Variants in SCN8A observed in about 807,000 individuals in gnomAD.
SCN8A encodes sodium voltage-gated channel alpha subunit 8, also known as sodium channel protein type 8 subunit alpha.
Under a neutral mutation model 184.1 loss-of-function variants are expected in SCN8A, and 30 were observed. The observed-to-expected ratio is 0.16, with a 90% CI of 0.12 to 0.22. SCN8A has a LOEUF of 0.22. Among genes scored for constraint, SCN8A ranks in the 10% least tolerant of loss-of-function variants. The pLI, the probability that SCN8A is intolerant of heterozygous loss-of-function variation, is 1.00. For missense variants in SCN8A, 1,057 were observed against 2,498.9 expected (o/e 0.42, Z 12.30); for synonymous variants, 852 against 907.0 (o/e 0.94, Z 1.09).
At chr12:51,760,341 A>G (rs1205321815) in intron 14 of SCN8A, among the ~76,000 whole-genome samples, 1 of 152,228 alleles carries the variant, frequency 6.6e-6, no homozygotes, top group East Asian at 1.9e-4. Flanking sequence ...TGATGGCAAC[A>G]TACCATGTGT....
intron 1 of SCN8A, among the ~76,000 whole-genome samples, chr12:51,635,275 G>T (rs1390214417): frequency 6.6e-6 from 1 of 152,164 alleles, no homozygotes; most frequent in Admixed American, 6.5e-5. Context: ...TGCCCCTAAT[G>T]CTGGGTTATG....
chr12:51,597,646 G>T (rs916086643), intron 1 of SCN8A, among the ~76,000 whole-genome samples: 1 of 152,014 alleles, frequency 6.6e-6, no homozygotes, highest in Non-Finnish European at 1.5e-5. Flanking sequence ...CTTTGTCAAT[G>T]AAAAAACACC....
At chr12:51,629,582 C>CAAAAAAA (rs71092711) in intron 1 of SCN8A, among the ~76,000 whole-genome samples, 1 of 129,558 alleles carries the variant, frequency 7.7e-6, no homozygotes, top group Non-Finnish European at 1.6e-5. Flanking sequence ...ATCAGTTTTG[C>CAAAAAAA]AAAAAAAAAA....
At chr12:51,717,780 G>C (rs959346053) in intron 11 of SCN8A, among the ~76,000 whole-genome samples, 1 of 152,208 alleles carries the variant, frequency 6.6e-6, no homozygotes, top group African/African-American at 2.4e-5. Flanking sequence ...GTACAAGGAT[G>C]AGGCAGAAGA....
At chr12:51,682,585 G>A (rs557957507) in intron 2 of SCN8A, among the ~76,000 whole-genome samples, 1 of 152,092 alleles carries the variant, frequency 6.6e-6, no homozygotes, top group Non-Finnish European at 1.5e-5. Context: ...AACTGGCATC[G>A]AAGGTTATCA....
intron 23 of SCN8A, 65 bp downstream of exon 23, chr12:51,788,813 C>T: frequency 7.2e-7 from 1 of 1,386,946 alleles, no homozygotes; most frequent in Non-Finnish European, 1.0e-6. Context: ...GCATGGTATA[C>T]CGAGCCCACC....
chr12:51,593,031 C>T (rs1939265130), intron 1 of SCN8A, among the ~76,000 whole-genome samples: 1 of 152,076 alleles, frequency 6.6e-6, no homozygotes, highest in African/African-American at 2.4e-5. Context: ...TGGTAGGAAT[C>T]TTGGGGGAAT....
At chr12:51,728,715 G>A (rs1221276832) in intron 12 of SCN8A, among the ~76,000 whole-genome samples, 1 of 140,050 alleles carries the variant, frequency 7.1e-6, no homozygotes, top group African/African-American at 2.7e-5. Flanking sequence ...GGGCAACAGA[G>A]GAAGACCCTG....
intron 1 of SCN8A, among the ~76,000 whole-genome samples, chr12:51,637,581 C>A (rs951558902): frequency 6.6e-6 from 1 of 152,182 alleles, no homozygotes. Flanking sequence ...CTTAAGCCAA[C>A]GCCCAATCCA....
chr12:51,681,468 AAC>A (rs1941331717), intron 2 of SCN8A, among the ~76,000 whole-genome samples: 2 of 152,348 alleles, frequency 1.3e-5, no homozygotes, highest in South Asian at 2.1e-4. Flanking sequence ...TTGCTGTAGA[AAC>A]ACAGAGAGGT....
At chr12:51,657,068 T>C (rs1299544226) in intron 1 of SCN8A, among the ~76,000 whole-genome samples, 1 of 152,116 alleles carries the variant, frequency 6.6e-6, no homozygotes, top group Non-Finnish European at 1.5e-5. Context: ...GCACTGTTCA[T>C]AGTAGTCGAA....
intron 20 of SCN8A, among the ~76,000 whole-genome samples, chr12:51,774,919 A>G (rs1391246053): frequency 6.6e-6 from 1 of 152,152 alleles, no homozygotes; most frequent in Non-Finnish European, 1.5e-5. Context: ...ACACGTTGCC[A>G]TTCTACAGTG....
At chr12:51,785,410 C>A (rs577230691) in intron 21 of SCN8A, among the ~76,000 whole-genome samples, 127 of 152,240 alleles carry the variant, frequency 8.3e-4, no homozygotes, top group African/African-American at 3.0e-3. Flanking sequence ...TGGAGAAACA[C>A]AAAATGAATA....
chr12:51,792,853 G>C (rs1054475038), intron 25 of SCN8A, among the ~76,000 whole-genome samples: 2 of 151,956 alleles, frequency 1.3e-5, no homozygotes, highest in Non-Finnish European at 2.9e-5. Flanking sequence ...AGCAATTCTC[G>C]TGCCTCAGCC....
At chr12:51,638,934 A>C (rs1940380293) in intron 1 of SCN8A, among the ~76,000 whole-genome samples, 1 of 152,172 alleles carries the variant, frequency 6.6e-6, no homozygotes, top group East Asian at 1.9e-4. Context: ...TCTCATGATA[A>C]AACTTGGACA....
At chr12:51,600,138 A>G (rs1939432491) in intron 1 of SCN8A, among the ~76,000 whole-genome samples, 1 of 152,128 alleles carries the variant, frequency 6.6e-6, no homozygotes, top group African/African-American at 2.4e-5. Context: ...GAACTTTATT[A>G]TCTAAGCTCT....
chr12:51,729,964 G>T (rs148211860), intron 12 of SCN8A, among the ~76,000 whole-genome samples: 33 of 151,756 alleles, frequency 2.2e-4, no homozygotes, highest in Admixed American at 2.2e-3. Flanking sequence ...TTAATGAATT[G>T]TTTATTCATA....
Position 51,733,605 on chromosome 12 carries a change from C to A in SCN8A, c.1998+11697C>A, listed in dbSNP as rs140893195. Among the ~76,000 whole-genome samples the A allele has an allele frequency of 5.3e-3, 807 of 152,188 alleles. 6 individuals carry two copies. Among genetic ancestry groups the A allele is most frequent in the African/African-American group, 0.019 (775 of 41,534 alleles). On this transcript the variant is annotated intron_variant, in intron 12 of 26. Transcript: ENST00000627620. Reference sequence around the variant, plus strand: ...TCATAGAATGAGTTTGGAAGTTTCTCTCCTCCTTTATTTTTCAGAATAATT... The same window carrying A: ...TCATAGAATGAGTTTGGAAGTTTCTATCCTCCTTTATTTTTCAGAATAATT...
At chr12:51,674,426 G>A (rs1384683583) in intron 2 of SCN8A, among the ~76,000 whole-genome samples, 2 of 151,972 alleles carry the variant, frequency 1.3e-5, no homozygotes, top group African/African-American at 4.8e-5. Context: ...TCCGCCTCCC[G>A]GGTTCAAATG....
Sources: gnomAD v4.1 joint callset for allele counts (sites outside exome capture counted in the v4.1 genomes callset) on GRCh38, gnomAD v4.1.1 for gene constraint, MANE v1.5 for transcripts, NCBI Gene and HGNC (gene_info 2026-07-23, HGNC 2026-07-21) for gene names.